Variants in TRIM37 observed in about 807,000 individuals in gnomAD.
TRIM37 encodes tripartite motif containing 37.
In TRIM37, 80 loss-of-function variants were observed where a neutral mutation model predicts 129.8. The ratio of observed to expected loss-of-function variants is 0.62; its 90% CI spans 0.51 to 0.74. The LOEUF (loss-of-function observed/expected upper bound fraction) is 0.74, where lower values mean the gene tolerates loss of function less well. Ranked by LOEUF, TRIM37 falls within the 30% of genes least tolerant of loss-of-function variation. The pLI is 0.00. For missense variants in TRIM37, 1,054 were observed against 1,176.5 expected (o/e 0.90, Z 1.52); for synonymous variants, 389 against 387.1 (o/e 1.00, Z -0.06).
chr17:59,090,173 AC>A (rs1349065083), intron 3 of TRIM37: 1 of 152,172 alleles, frequency 6.6e-6, no homozygotes, highest in Non-Finnish European at 1.5e-5. Flanking sequence ...ATTTTTTGAA[AC>A]CAAAAGTAGA....
At chr17:58,984,694 C>A (rs1222164534) in intron 24 of TRIM37, 1 of 152,574 alleles carries the variant, frequency 6.6e-6, no homozygotes, top group Non-Finnish European at 1.5e-5. Context: ...TAAGATACCA[C>A]CAGTATTACA....
At chr17:59,005,145 A>G (rs1330355039) in intron 22 of TRIM37, among the ~76,000 whole-genome samples, 2 of 152,216 alleles carry the variant, frequency 1.3e-5, no homozygotes. Context: ...ACCTCTTATT[A>G]GTAGTGTTTC....
At chr17:58,982,504 CAT>C (rs1374001516), downstream of TRIM37, 3 of 165,588 alleles carry the variant, frequency 1.8e-5, no homozygotes, top group Non-Finnish European at 2.6e-5. Context: ...CCCGCCTAAT[CAT>C]GTGTTTATAG....
intron 17 of TRIM37, among the ~76,000 whole-genome samples, chr17:59,037,415 G>A (rs929404432): frequency 6.6e-6 from 1 of 151,282 alleles, no homozygotes; most frequent in Non-Finnish European, 1.5e-5. Context: ...AAAATCAGCC[G>A]GGCGTGGTGG....
At chr17:58,970,057 A>C in the TRIM37 span, among the ~76,000 whole-genome samples, 1 of 152,154 alleles carries the variant, frequency 6.6e-6, no homozygotes, top group Non-Finnish European at 1.5e-5. Flanking sequence ...CTCTAAGCAG[A>C]CTCTTGCTGA....
intron 24 of TRIM37, among the ~76,000 whole-genome samples, chr17:58,987,479 A>G (rs954955461): frequency 2.0e-5 from 3 of 152,232 alleles, no homozygotes; most frequent in East Asian, 3.8e-4. Context: ...CCCGGTCAAC[A>G]TGCCAGCCAG....
chr17:59,084,609 T>C (rs978136565), intron 4 of TRIM37, among the ~76,000 whole-genome samples: 1 of 152,220 alleles, frequency 6.6e-6, no homozygotes, highest in Non-Finnish European at 1.5e-5. Context: ...ACAATAAAGT[T>C]AGACTCTGTT....
At chr17:59,048,001 C>G (rs2039987637) in intron 15 of TRIM37, among the ~76,000 whole-genome samples, 182 bp from the exon 16 acceptor site, 1 of 152,216 alleles carries the variant, frequency 6.6e-6, no homozygotes, top group Non-Finnish European at 1.5e-5. Context: ...TGACTGATAT[C>G]ATTTTACTAA....
intron 4 of TRIM37, among the ~76,000 whole-genome samples, chr17:59,086,238 AT>A (rs370069781): frequency 1.6e-3 from 230 of 142,226 alleles, no homozygotes; most frequent in Middle Eastern, 7.4e-3. Context: ...TACTCTTGCA[AT>A]TTTTTTTTTT....
At chr17:59,051,061 C>G (rs1158353257) in intron 14 of TRIM37, among the ~76,000 whole-genome samples, 153 bp downstream of exon 14, 1 of 152,056 alleles carries the variant, frequency 6.6e-6, no homozygotes, top group Non-Finnish European at 1.5e-5. Context: ...CACTGCAGAA[C>G]TGGTAAGGAT....
At chr17:59,026,319 A>C (rs1407660569) in intron 19 of TRIM37, among the ~76,000 whole-genome samples, 2 of 152,216 alleles carry the variant, frequency 1.3e-5, no homozygotes, top group African/African-American at 4.8e-5. Flanking sequence ...CTCTTGGAAG[A>C]AAACAGGAGA....
At chr17:58,977,275 T>C in the TRIM37 span, among the ~76,000 whole-genome samples, 7 of 151,918 alleles carry the variant, frequency 4.6e-5, no homozygotes, top group African/African-American at 1.7e-4. Context: ...AAACCCTGTC[T>C]CTACTAAAAA....
chr17:59,098,907 G>C (rs1022855815), intron 2 of TRIM37, among the ~76,000 whole-genome samples: 1 of 152,122 alleles, frequency 6.6e-6, no homozygotes, highest in Non-Finnish European at 1.5e-5. Flanking sequence ...AAATAGGCTA[G>C]GCGCGGTGGC....
At chr17:59,006,501 C>T (rs1428576737) in intron 22 of TRIM37, among the ~76,000 whole-genome samples, 1 of 152,194 alleles carries the variant, frequency 6.6e-6, no homozygotes, top group African/African-American at 2.4e-5. Flanking sequence ...ATTTATCTGC[C>T]TTTCTCCTTT....
Position 59,087,132 on chromosome 17 carries a change from G to C in TRIM37, c.281+1159C>G, listed in dbSNP as rs147346899. ...TTTTTTGGGAGATGGAGTCTCGCTC[G>C]TTACCCAGGCTGGAATGCAATGGCA... On this transcript the variant is annotated intron_variant, in intron 4 of 23. Transcript: ENST00000262294. Among the ~76,000 whole-genome samples, 194 of 152,156 alleles carry C rather than the reference G, an allele frequency of 1.3e-3. 2 individuals carry two copies. The Middle Eastern group carries it at 0.017, about 13-fold the overall frequency.
intron 9 of TRIM37, among the ~76,000 whole-genome samples, chr17:59,070,093 T>C (rs1012737330): frequency 2.0e-5 from 3 of 152,226 alleles, no homozygotes; most frequent in African/African-American, 7.2e-5. Context: ...GGGTATGGTA[T>C]GACCCAGCAC....
In TRIM37 at chr17:59,039,440, A is replaced by G. The variant is rs971013484; in HGVS notation, c.1753+2373T>C. Among the ~76,000 whole-genome samples, 18 of 151,050 alleles carry G rather than the reference A, an allele frequency of 1.2e-4. 1 individual carries two copies. Among genetic ancestry groups the G allele is most frequent in the African/African-American group, 4.4e-4 (18 of 41,054 alleles). ...CAGCTCACTGCAAGCTCCGCCTCCC[A>G]GGTTCACGACATTCTCCTGCCTCAG... On this transcript the variant is annotated intron_variant, in intron 17 of 23. Transcript: ENST00000262294.
chr17:59,091,636 ATATAT>A (rs1476391837), intron 2 of TRIM37, among the ~76,000 whole-genome samples: 9 of 138,546 alleles, frequency 6.5e-5, no homozygotes, highest in South Asian at 2.2e-4. Context: ...ATAATGTATA[ATATAT>A]TATATAATAT....
At chr17:58,969,372 T>G in the TRIM37 span, 1 of 736,220 alleles carries the variant, frequency 1.4e-6, no homozygotes, top group Non-Finnish European at 2.4e-6. Flanking sequence ...TTGCAGGTAT[T>G]TCAGCAGTTG....
Sources: allele counts gnomAD v4.1 joint callset (sites outside exome capture counted in the v4.1 genomes callset), GRCh38; gene constraint gnomAD v4.1.1; transcripts MANE v1.5; gene names NCBI Gene and HGNC (gene_info 2026-07-23, HGNC 2026-07-21).